ZNF704: variants seen among roughly 807,000 people sequenced by gnomAD.
ZNF704 encodes zinc finger protein 704.
Under a neutral mutation model 44.7 loss-of-function variants are expected in ZNF704, and 10 were observed. The ratio of observed to expected loss-of-function variants is 0.22; its 90% CI spans 0.14 to 0.38. The LOEUF is 0.38. Ranked by LOEUF, ZNF704 falls within the 10% of genes least tolerant of loss-of-function variation. The pLI, the probability that ZNF704 is intolerant of heterozygous loss-of-function variation, is 1.00. For synonymous variants in ZNF704, 211 were observed against 207.6 expected, an observed-to-expected ratio of 1.02 and a Z score of -0.14; for missense variants, 390 against 545.5, an observed-to-expected ratio of 0.71 and a Z score of 2.84.
intron 2 of ZNF704, among the ~76,000 whole-genome samples, chr8:80,736,196 C>A (rs185909076): frequency 8.7e-4 from 132 of 152,346 alleles, no homozygotes; most frequent in South Asian, 1.4e-3. Flanking sequence ...AAGCATAAAG[C>A]CAGTTTTGAT....
At chr8:80,841,960 T>C (rs763751824) in intron 1 of ZNF704, among the ~76,000 whole-genome samples, 7 of 152,104 alleles carry the variant, frequency 4.6e-5, no homozygotes, top group Non-Finnish European at 1.0e-4. Flanking sequence ...GTTTAGTTTT[T>C]TAATTTTTTC....
chr8:80,791,170 A>T (rs1807701532), intron 2 of ZNF704, among the ~76,000 whole-genome samples: 1 of 152,174 alleles, frequency 6.6e-6, no homozygotes, highest in Admixed American at 6.5e-5. Flanking sequence ...TGGAATTAGG[A>T]TGAGAGTGTA....
intron 2 of ZNF704, among the ~76,000 whole-genome samples, chr8:80,774,787 C>T (rs1003273873): frequency 2.1e-4 from 32 of 152,172 alleles, no homozygotes; most frequent in African/African-American, 5.8e-4. Flanking sequence ...TTTTCCGTCT[C>T]GCTAGGATGT....
chr8:80,859,929 C>T lies in ZNF704; in HGVS notation c.-22+14642G>A, dbSNP rs533946706. On this transcript the variant is annotated intron_variant, in intron 1 of 8. Transcript: ENST00000327835. ...GAGTTTCTGAACCAAACCTTTAATC[C>T]TAGGTCATTGGCTCACTTTTCACAC... Among the ~76,000 whole-genome samples the T allele has an allele frequency of 3.3e-5, 5 of 152,218 alleles. No individual in the cohort carries two copies. The South Asian group carries it at 1.0e-3, about 32-fold the overall frequency.
Position 80,799,387 on chromosome 8 carries a change from G to C in ZNF704, c.221+21987C>G, listed in dbSNP as rs978058861. ...TCTGAAGTAAAGGCTTATTTCCCTT[G>C]AGTCTAGCCAATACTTAATGATGCA... is the stretch of plus-strand genomic sequence containing the variant. On this transcript the variant is annotated intron_variant, in intron 2 of 8. Transcript: ENST00000327835. Among the ~76,000 whole-genome samples the C allele has an allele frequency of 9.9e-5, 15 of 152,076 alleles. 1 individual carries two copies. The highest frequency in any genetic ancestry group is 1.9e-4 in the Non-Finnish European group (13 of 68,016).
chr8:80,800,780 CATG>C (rs1462898587), intron 2 of ZNF704, among the ~76,000 whole-genome samples: 11 of 152,138 alleles, frequency 7.2e-5, no homozygotes, highest in Non-Finnish European at 1.3e-4. Context: ...CAGCTAGCAT[CATG>C]ATGATAGGAT....
chr8:80,641,429 C>G lies in ZNF704; in HGVS notation c.1176G>C (p.Glu392Asp). The G allele has an allele frequency of 6.2e-7, 1 of 1,613,816 alleles. No homozygotes were observed. Among genetic ancestry groups the G allele is most frequent in the South Asian group, 1.1e-5 (1 of 91,036 alleles). ...GKKCRKVYGM[E>D]NRDMWCTACR... ...AGGCGGTACACCACATGTCTCGGTT[C>G]TCCATCCCGTACACCTTCCGACACT... Residue 392 changes from glutamate to aspartate, a missense_variant, in exon 9 of 9, where the codon GAG becomes GAC. Physicochemically the swap from Glu to Asp is conservative, Grantham distance 45. This residue lies in a region of ZNF704 where 305 missense variants were observed against 435.7 expected (regional missense o/e 0.70). Transcript: ENST00000327835.
chr8:80,870,087 C>A (rs1314396444), intron 1 of ZNF704, among the ~76,000 whole-genome samples: 3 of 152,166 alleles, frequency 2.0e-5, no homozygotes, highest in African/African-American at 4.8e-5. Flanking sequence ...CCATGTAGCA[C>A]CCTGATTGCA....
intron 2 of ZNF704, among the ~76,000 whole-genome samples, chr8:80,718,030 A>G (rs1819098975): frequency 6.6e-6 from 1 of 152,196 alleles, no homozygotes; most frequent in Non-Finnish European, 1.5e-5. Flanking sequence ...CAAAATGCTT[A>G]AAACCTGCTA....
intron 7 of ZNF704, among the ~76,000 whole-genome samples, chr8:80,656,523 T>C (rs1818019131): frequency 6.6e-6 from 1 of 152,258 alleles, no homozygotes; most frequent in African/African-American, 2.4e-5. Context: ...TTCCTACCCC[T>C]CTCCCCACAG....
chr8:80,669,663 T>C (rs187968920), intron 5 of ZNF704, among the ~76,000 whole-genome samples: 122 of 152,332 alleles, frequency 8.0e-4, no homozygotes, highest in Non-Finnish European at 2.1e-4. Flanking sequence ...ACTTATCTTG[T>C]GGAAAGGACT....
chr8:80,742,604 T>A (rs985747526), intron 2 of ZNF704, among the ~76,000 whole-genome samples: 2 of 152,260 alleles, frequency 1.3e-5, no homozygotes, highest in Admixed American at 6.5e-5. Flanking sequence ...CCTTGTTAAG[T>A]TTGTCTCTTC....
intron 2 of ZNF704, among the ~76,000 whole-genome samples, chr8:80,775,870 C>T (rs1234085129): frequency 2.0e-5 from 3 of 152,090 alleles, no homozygotes; most frequent in Non-Finnish European, 4.4e-5. Context: ...GAGGGAAAAA[C>T]ATATACTACA....
intron 1 of ZNF704, among the ~76,000 whole-genome samples, chr8:80,830,763 T>C (rs1054359140): frequency 1.4e-5 from 2 of 143,706 alleles, no homozygotes; most frequent in African/African-American, 5.2e-5. Flanking sequence ...CTTTTTTTTT[T>C]TTTTTTTTTT....
intron 1 of ZNF704, among the ~76,000 whole-genome samples, chr8:80,826,961 G>A (rs7845576): frequency 0.058 from 8,864 of 152,156 alleles, 290 homozygotes; most frequent in Non-Finnish European, 0.076. Flanking sequence ...AACCCACAGC[G>A]AATATCATAC....
At chr8:80,727,686 C>T (rs980342269) in intron 2 of ZNF704, among the ~76,000 whole-genome samples, 2 of 152,056 alleles carry the variant, frequency 1.3e-5, no homozygotes, top group Non-Finnish European at 2.9e-5. Flanking sequence ...TGAGACCCCG[C>T]CCCGATGAGC....
At chr8:80,786,187 T>C (rs1271632384) in intron 2 of ZNF704, among the ~76,000 whole-genome samples, 1 of 152,148 alleles carries the variant, frequency 6.6e-6, no homozygotes, top group Non-Finnish European at 1.5e-5. Context: ...CACTTATGCC[T>C]GGGAGGCCGC....
chr8:80,860,810 G>C (rs1365490179), intron 1 of ZNF704, among the ~76,000 whole-genome samples: 3 of 152,200 alleles, frequency 2.0e-5, no homozygotes, highest in Non-Finnish European at 2.9e-5. Flanking sequence ...TAGGAGCTCT[G>C]TAGCTTTCAT....
chr8:80,647,999 T>A (rs531561756), intron 7 of ZNF704, among the ~76,000 whole-genome samples: 1 of 152,202 alleles, frequency 6.6e-6, no homozygotes, highest in Non-Finnish European at 1.5e-5. Flanking sequence ...GGGGCCGGCA[T>A]GTGACAACGG....
Sources: gnomAD v4.1 joint callset for allele counts (sites outside exome capture counted in the v4.1 genomes callset) on GRCh38, gnomAD v4.1.1 for gene constraint, gnomAD v4.1.1 regional missense constraint, MANE v1.5 for transcripts, NCBI Gene and HGNC (gene_info 2026-07-23, HGNC 2026-07-21) for gene names.